Variants in ATP6V1C2 observed in about 807,000 individuals in gnomAD.
ATP6V1C2 encodes V-type proton ATPase subunit C 2.
Under a neutral mutation model 56.8 loss-of-function variants are expected in ATP6V1C2, and 45 were observed. The observed-to-expected ratio is 0.79, with a 90% CI of 0.62 to 1.02. The LOEUF (loss-of-function observed/expected upper bound fraction) is 1.02, where lower values mean the gene tolerates loss of function less well. Ranked by LOEUF, ATP6V1C2 falls within the 50% of genes least tolerant of loss-of-function variation. The pLI is 0.00. For synonymous variants in ATP6V1C2, 220 were observed against 201.3 expected, an observed-to-expected ratio of 1.09 and a Z score of -0.79; for missense variants, 463 against 519.7, an observed-to-expected ratio of 0.89 and a Z score of 1.06.
chr2:10,778,611 G>A lies in ATP6V1C2; in HGVS notation c.1003G>A (p.Ala335Thr). ...CTGGCTCAAGGTGAACTTCAGTGAA[G>A]CCTTCATTGCCTGGATCCACATCAA... ...LRWLKVNFSE[A>T]FIAWIHIKAL... The change falls in exon 12 of 14, where the codon GCC becomes ACC. Residue 335 changes from alanine to threonine, a missense_variant. Coordinates refer to ENST00000272238, the MANE Select transcript of ATP6V1C2 (RefSeq NM_001039362.2). 2.5e-6 allele frequency: 4 copies of A among 1,614,198 alleles called. No homozygotes were observed. The highest frequency in any genetic ancestry group is 3.4e-6 in the Non-Finnish European group (4 of 1,180,028).
intron 5 of ATP6V1C2, among the ~76,000 whole-genome samples, chr2:10,765,543 T>C (rs1664169167): frequency 6.6e-6 from 1 of 152,220 alleles, no homozygotes; most frequent in Non-Finnish European, 1.5e-5. Flanking sequence ...CCTGCAGGTC[T>C]CCTGGAAAGT....
chr2:10,779,959 C>T (rs1307783050), intron 12 of ATP6V1C2, among the ~76,000 whole-genome samples: 1 of 152,164 alleles, frequency 6.6e-6, no homozygotes, highest in Non-Finnish European at 1.5e-5. Context: ...GAGCACTGCG[C>T]ACCGCCTGCC....
rs561552457 is a variant in ATP6V1C2, at chr2:10,777,368, G to A, written c.826-217G>A. 5.9e-5 allele frequency among the ~76,000 whole-genome samples: 9 copies of A among 152,262 alleles called. No individual in the cohort carries two copies. In the East Asian group the frequency reaches 1.7e-3, roughly 29 times the overall value. ...AGATCGGCTCTGTGCTTGGAATATGGAACCCAAAGACCTTAACACTGCCCT... is the reference window on the plus strand; with the variant it reads ...AGATCGGCTCTGTGCTTGGAATATGAAACCCAAAGACCTTAACACTGCCCT... On this transcript the variant is annotated intron_variant, in intron 10 of 13. Coordinates refer to ENST00000272238, the MANE Select transcript of ATP6V1C2 (RefSeq NM_001039362.2).
intron 5 of ATP6V1C2, chr2:10,767,800 TTAATTA>T (rs1664325407): frequency 6.6e-6 from 1 of 152,140 alleles, no homozygotes. Context: ...TTTTATCATT[TTAATTA>T]TATTTATTTT....
chr2:10,741,291 CT>C (rs1007572310), intron 3 of ATP6V1C2, among the ~76,000 whole-genome samples: 1 of 152,226 alleles, frequency 6.6e-6, no homozygotes, highest in African/African-American at 2.4e-5. Context: ...AAGAAAATCA[CT>C]TAATTGCTGT....
intron 10 of ATP6V1C2, among the ~76,000 whole-genome samples, chr2:10,775,324 T>C (rs1379832091): frequency 1.3e-5 from 2 of 152,192 alleles, no homozygotes; most frequent in East Asian, 3.9e-4. Flanking sequence ...TTTCCACATG[T>C]GTTCTCACTG....
chr2:10,768,155 G>T (rs968551259), intron 5 of ATP6V1C2: 27 of 153,016 alleles, frequency 1.8e-4, no homozygotes, highest in Non-Finnish European at 3.1e-4. Flanking sequence ...GGAATGTGAA[G>T]GAGCCTGGCA....
intron 3 of ATP6V1C2, among the ~76,000 whole-genome samples, chr2:10,731,102 C>A (rs990639108): frequency 1.3e-5 from 2 of 152,106 alleles, no homozygotes; most frequent in Non-Finnish European, 2.9e-5. Context: ...CAGGTGCACA[C>A]CATGCCCAGC....
At chr2:10,749,332 CAAAA>C (rs1040126118) in intron 3 of ATP6V1C2, among the ~76,000 whole-genome samples, 5 of 150,338 alleles carry the variant, frequency 3.3e-5, no homozygotes, top group African/African-American at 1.2e-4. Context: ...CTGGCCCTAC[CAAAA>C]AAAAGTTTTT....
chr2:10,722,301 CT>C (rs78152769), intron 1 of ATP6V1C2, among the ~76,000 whole-genome samples: 9 of 150,418 alleles, frequency 6.0e-5, no homozygotes, highest in East Asian at 3.9e-4. Flanking sequence ...CCCCCTACTA[CT>C]TTTTTTTTTC....
rs573445431 is a variant in ATP6V1C2, at chr2:10,763,443, C to G, written c.284-888C>G. Among the ~76,000 whole-genome samples the G allele has an allele frequency of 1.7e-4, 26 of 152,228 alleles. No homozygotes were observed. The highest frequency in any genetic ancestry group is 1.4e-3 in the Admixed American group (21 of 15,286). The stretch of plus-strand genomic sequence containing the variant: ...TAGGGGTCTCCCTGTGGACCTTGGG[C>G]AGGGGGTGGTGTCTAGTGTGTGTCC... On this transcript the variant is annotated intron_variant, in intron 4 of 13. Transcript: ENST00000272238. This position sits in a 1 kb window ranked among gnomAD's most constrained non-coding sequence, Gnocchi z 4.2.
rs1405939914 is a variant in ATP6V1C2 at position 10,760,023 on chromosome 2, G to GT, written c.284-4302dup. Among the ~76,000 whole-genome samples, 541 of 77,708 alleles carry GT rather than the reference G, an allele frequency of 7.0e-3. 1 individual carries two copies. Among genetic ancestry groups the GT allele is most frequent in the African/African-American group, 0.013 (213 of 16,332 alleles). 51.0% of individuals were successfully genotyped at this position (77,708 alleles called of 152,430 possible). On this transcript the variant is annotated intron_variant, in intron 4 of 13. Coordinates refer to ENST00000272238, the MANE Select transcript of ATP6V1C2 (RefSeq NM_001039362.2). ...GAAAAATAAAGACAAGCAGTTTTTT[G>GT]TTTTTTGTTTTTTTTTTTTTTGCTT...
chr2:10,783,252 C>T lies in ATP6V1C2; in HGVS notation c.1273C>T (p.Leu425Phe). 1 of 1,612,562 alleles carries T rather than the reference C, an allele frequency of 6.2e-7. No homozygotes were observed. The highest frequency in any genetic ancestry group is 8.5e-7 in the Non-Finnish European group (1 of 1,178,618). Reference sequence around the variant, plus strand: ...TGTCTACTTCCATATTGACCTTAGTCTTCTTGACTAGAAAGGCCAGCTGGC... The same window carrying T: ...TGTCTACTTCCATATTGACCTTAGTTTTCTTGACTAGAAAGGCCAGCTGGC... ...PYVYFHIDLS[L>F]LD The change falls in exon 14 of 14, where the codon CTT becomes TTT. Residue 425 changes from leucine (L) to phenylalanine (F), a missense_variant. Coordinates refer to ENST00000272238, the MANE Select transcript of ATP6V1C2 (RefSeq NM_001039362.2).
In ATP6V1C2 at chr2:10,783,337, G is replaced by T; in HGVS notation, c.*74G>T. On this transcript the variant is annotated 3_prime_UTR_variant, in exon 14 of 14. Transcript: ENST00000272238. ...CACCTCTTTCCTTTAGCCAGAGAAT[G>T]GTTCAAATGTCTTACAGAACTAAGA... 1.0e-6 allele frequency: 1 copy of T among 970,492 alleles called. No individual in the cohort carries two copies. The highest frequency in any genetic ancestry group is 1.6e-6 in the Non-Finnish European group (1 of 622,192). 60.1% of individuals were successfully genotyped at this position (970,492 alleles called of 1,614,324 possible).
intron 4 of ATP6V1C2, chr2:10,757,563 G>A (rs1407432299): frequency 1.5e-5 from 6 of 397,768 alleles, no homozygotes; most frequent in Non-Finnish European, 2.2e-5. Context: ...AAGTTACCAC[G>A]ATTTCTCAAG....
chr2:10,753,901 C>T (rs1663364523), intron 3 of ATP6V1C2, 80 bp from the exon 4 acceptor site: 1 of 1,333,716 alleles, frequency 7.5e-7, no homozygotes, highest in African/African-American at 1.5e-5. Flanking sequence ...TCACCAGCTA[C>T]TTTTCCTGCC....
chr2:10,722,785 C>G, intron 1 of ATP6V1C2, 39 bp from the exon 2 acceptor site: 2 of 1,590,438 alleles, frequency 1.3e-6, no homozygotes, highest in Non-Finnish European at 1.7e-6. Context: ...ATCTCTCCTT[C>G]TGTTTCTGTT....
Position 10,722,499 on chromosome 2 carries a change from G to A in ATP6V1C2, c.-26-325G>A, listed in dbSNP as rs1260656051. On this transcript the variant is annotated intron_variant, in intron 1 of 13. Transcript: ENST00000272238. ...AGGAAGACAAATATTCCCCCAGAAG[G>A]TGTCCGCCTCCAGCTTACTGTCCTC... 3.3e-5 allele frequency among the ~76,000 whole-genome samples: 5 copies of A among 152,212 alleles called. No homozygotes were observed. In the East Asian group the frequency reaches 9.6e-4, roughly 29 times the overall value.
chr2:10,734,442 G>T (rs1479134953), intron 3 of ATP6V1C2, among the ~76,000 whole-genome samples: 1 of 152,024 alleles, frequency 6.6e-6, no homozygotes, highest in African/African-American at 2.4e-5. Context: ...CCTGTCTTTT[G>T]CTTATGATTA....
Sources: allele counts gnomAD v4.1 joint callset (sites outside exome capture counted in the v4.1 genomes callset), GRCh38; gene constraint gnomAD v4.1.1; non-coding constraint Gnocchi (gnomAD v3.1); transcripts MANE v1.5; gene names NCBI Gene and HGNC (gene_info 2026-07-23, HGNC 2026-07-21).